The following MCF2L variants were observed in gnomAD, a reference collection of about 807,000 sequenced individuals.
MCF2L encodes the protein MCF.2 cell line derived transforming sequence like.
In MCF2L, 97 loss-of-function variants were observed where a neutral mutation model predicts 153.4. That is an observed-to-expected ratio of 0.63 (90% CI 0.54 to 0.75). The LOEUF (loss-of-function observed/expected upper bound fraction) is 0.75, where lower values mean the gene tolerates loss of function less well. MCF2L is among the 30% of genes least tolerant of loss of function. The pLI is 0.00. For missense variants in MCF2L, 1,347 were observed against 1,495.2 expected, an observed-to-expected ratio of 0.90 and a Z score of 1.64; for synonymous variants, 659 against 632.2, an observed-to-expected ratio of 1.04 and a Z score of -0.64.
At position 112,973,953 on chromosome 13, in the gene MCF2L, G is replaced by A. The variant is rs1435314641; in HGVS notation, c.79+4495G>A. Among the ~76,000 whole-genome samples, 5 of 152,124 alleles carry A rather than the reference G, an allele frequency of 3.3e-5. No individual in the cohort carries two copies. In the East Asian group the frequency reaches 9.6e-4, roughly 29 times the overall value. On this transcript the variant is annotated intron_variant, in intron 1 of 29. Coordinates refer to ENST00000535094, the MANE Select transcript of MCF2L (RefSeq NM_001112732.3). ...GCTGCACCTGTGCCTTGGGATGGTG[G>A]CCGCCTTCCAGCGTCTTCCTGATCT...
intron 2 of MCF2L, among the ~76,000 whole-genome samples, chr13:112,928,155 T>C (rs2081426758): frequency 6.6e-6 from 1 of 152,258 alleles, no homozygotes; most frequent in Non-Finnish European, 1.5e-5. Context: ...TTCTGTGCTG[T>C]CTGGGGTTTG....
At chr13:113,019,094 C>T (rs567021034) in intron 2 of MCF2L, among the ~76,000 whole-genome samples, 2 of 152,326 alleles carry the variant, frequency 1.3e-5, no homozygotes, top group South Asian at 2.1e-4. Context: ...CCCAAGCGCT[C>T]GCTGCACAAG....
chr13:113,073,991 G>A lies in MCF2L; in HGVS notation c.997-453G>A, dbSNP rs956209696. On this transcript the variant is annotated intron_variant, in intron 9 of 29. Transcript: ENST00000535094. ...TGTCTTCCTGCCAACAGCAGAAATCGTAGACATTAGAAGTTAGTAGCAAGC... is the reference window on the plus strand; with the variant it reads ...TGTCTTCCTGCCAACAGCAGAAATCATAGACATTAGAAGTTAGTAGCAAGC... Among the ~76,000 whole-genome samples the A allele has an allele frequency of 1.1e-4, 17 of 152,242 alleles. No homozygotes were observed. In the South Asian group the frequency reaches 1.7e-3, roughly 15 times the overall value.
At chr13:112,957,469 G>C (rs1291729863) in intron 2 of MCF2L, 1 of 151,242 alleles carries the variant, frequency 6.6e-6, no homozygotes, top group Non-Finnish European at 1.5e-5. Flanking sequence ...GCAGATGAGA[G>C]GCCGAGGCCC....
chr13:113,094,541 A>C lies in MCF2L; in HGVS notation c.2981A>C (p.Glu994Ala). 6.2e-7 allele frequency: 1 copy of C among 1,612,296 alleles called. No homozygotes were observed. Among genetic ancestry groups the C allele is most frequent in the South Asian group, 1.1e-5 (1 of 91,002 alleles). Reference protein sequence around the residue: ...KGWSKTSHSLEAPEDDGGWSS... With the variant: ...KGWSKTSHSLAAPEDDGGWSS... ...TGGAGCAAAACGTCCCACTCACTGG[A>C]GGCACCTGAGGACGACGGGGGCTGG... is the stretch of plus-strand genomic sequence containing the variant. Residue 994 changes from glutamate to alanine, a missense_variant, in exon 27 of 30, where the codon GAG becomes GCG. Around this residue, in one of 3 missense-constraint regions of MCF2L, gnomAD observed 383 missense variants for 335.4 expected, o/e 1.14. Transcript: ENST00000535094.
At chr13:112,995,830 C>G (rs190223543) in intron 1 of MCF2L, among the ~76,000 whole-genome samples, 18 of 152,186 alleles carry the variant, frequency 1.2e-4, no homozygotes, top group Non-Finnish European at 2.4e-4. Flanking sequence ...GGTGAGTGAG[C>G]AGGCGTGGCC....
chr13:112,988,446 G>A lies in MCF2L; in HGVS notation c.79+18988G>A, dbSNP rs187908752. ...GCCTGTGGGTGCACGGGTGTGGTGCGTTTTAATTCTCGGCAGCTCTGTGCG... is the reference window on the plus strand; with the variant it reads ...GCCTGTGGGTGCACGGGTGTGGTGCATTTTAATTCTCGGCAGCTCTGTGCG... On this transcript the variant is annotated intron_variant, in intron 1 of 29. Transcript: ENST00000535094. Among the ~76,000 whole-genome samples, 24 of 152,318 alleles carry A rather than the reference G, an allele frequency of 1.6e-4. No individual in the cohort carries two copies. The East Asian group carries it at 2.9e-3, about 18-fold the overall frequency.
intron 3 of MCF2L, chr13:113,044,796 G>A: frequency 6.2e-7 from 1 of 1,612,902 alleles, no homozygotes; most frequent in Non-Finnish European, 8.5e-7. Flanking sequence ...CAGAAGTCTT[G>A]GGGATTTTCT....
chr13:113,091,086 TCC>T (rs1448443184), intron 26 of MCF2L: 13 of 1,304,138 alleles, frequency 1.0e-5, no homozygotes, highest in East Asian at 5.6e-5. Flanking sequence ...ACACTCTCTC[TCC>T]GGTTGTATTT....
At chr13:113,059,431 T>A (rs2030989569) in intron 4 of MCF2L, among the ~76,000 whole-genome samples, 1 of 152,246 alleles carries the variant, frequency 6.6e-6, no homozygotes, top group South Asian at 2.1e-4. Context: ...TATATTCCTT[T>A]CGGGCTTTAG....
At chr13:113,092,434 C>T (rs137935831) in intron 26 of MCF2L, among the ~76,000 whole-genome samples, 144 of 144,900 alleles carry the variant, frequency 9.9e-4, no homozygotes, top group Non-Finnish European at 1.6e-3. Context: ...GTGTCGAAGC[C>T]GGGCCACTGC....
chr13:113,039,800 C>T (rs925505955), intron 3 of MCF2L, among the ~76,000 whole-genome samples: 2 of 152,184 alleles, frequency 1.3e-5, no homozygotes, highest in African/African-American at 4.8e-5. Flanking sequence ...GTATCCAGTG[C>T]TGACAAAACC....
At chr13:113,062,936 C>T (rs989604124) in intron 5 of MCF2L, among the ~76,000 whole-genome samples, 1 of 152,222 alleles carries the variant, frequency 6.6e-6, no homozygotes, top group Non-Finnish European at 1.5e-5. Flanking sequence ...CGTCCGGCCT[C>T]AGTGGTGGTG....
At position 113,054,324 on chromosome 13, in the gene MCF2L, A is replaced by G. The variant is rs1310798863; in HGVS notation, c.370-6269A>G. Reference sequence around the variant, plus strand: ...CAGGCTTTCTAGAGGACCATTTGCTAGAGGACCAGTCCCCAAACGGCCGCG... The same window carrying G: ...CAGGCTTTCTAGAGGACCATTTGCTGGAGGACCAGTCCCCAAACGGCCGCG... On this transcript the variant is annotated intron_variant, in intron 4 of 29. Coordinates refer to ENST00000535094, the MANE Select transcript of MCF2L (RefSeq NM_001112732.3). The surrounding 1 kb of genome is among the most constrained non-coding windows in gnomAD (Gnocchi z 5.2). 6.0e-6 allele frequency: 1 copy of G among 167,742 alleles called. No homozygotes were observed. Among genetic ancestry groups the G allele is most frequent in the Non-Finnish European group, 1.5e-5 (1 of 68,280 alleles). 10.4% of individuals were successfully genotyped at this position (167,742 alleles called of 1,614,324 possible).
At position 113,097,360 on chromosome 13, in the gene MCF2L, T is replaced by G. The variant is rs372059778; in HGVS notation, c.*501T>G. 6.5e-6 allele frequency: 1 copy of G among 154,648 alleles called. No homozygotes were observed. The highest frequency in any genetic ancestry group is 1.9e-4 in the East Asian group (1 of 5,250). 9.6% of individuals were successfully genotyped at this position (154,648 alleles called of 1,614,324 possible). On this transcript the variant is annotated 3_prime_UTR_variant, in exon 30 of 30. Coordinates refer to ENST00000535094, the MANE Select transcript of MCF2L (RefSeq NM_001112732.3). ...AATTCTTCACCAGGAATCACTGTGT[T>G]TACATGAAATGACAATTTGATACTG... is the stretch of plus-strand genomic sequence containing the variant.
rs1260616523 is a variant in MCF2L at position 113,035,008 on chromosome 13, G to A, written c.278+10250G>A. 1.3e-5 allele frequency among the ~76,000 whole-genome samples: 2 copies of A among 152,230 alleles called. No individual in the cohort carries two copies. Among genetic ancestry groups the A allele is most frequent in the African/African-American group, 4.8e-5 (2 of 41,454 alleles). On this transcript the variant is annotated intron_variant, in intron 3 of 29. Transcript: ENST00000535094. This position sits in a 1 kb window ranked among gnomAD's most constrained non-coding sequence, Gnocchi z 4.4. ...AGGGACCTATGGCGCCCACACCGGAGGGCGGGAAAAGGAGGAAGAGCATGG... is the reference window on the plus strand; with the variant it reads ...AGGGACCTATGGCGCCCACACCGGAAGGCGGGAAAAGGAGGAAGAGCATGG...
At chr13:112,980,241 C>T (rs1483153268) in intron 1 of MCF2L, among the ~76,000 whole-genome samples, 1 of 152,238 alleles carries the variant, frequency 6.6e-6, no homozygotes, top group Non-Finnish European at 1.5e-5. Context: ...GATGGAACAG[C>T]CTAAACTCTC....
At chr13:113,089,813 G>T (rs1012965566) in intron 26 of MCF2L, 85 bp downstream of exon 26, 193 of 1,606,174 alleles carry the variant, frequency 1.2e-4, no homozygotes, top group Non-Finnish European at 1.6e-4. Context: ...AGAAACCTGC[G>T]CTTCCTGCAG....
chr13:112,947,741 T>C (rs2140697058), intron 2 of MCF2L, among the ~76,000 whole-genome samples: 1 of 152,278 alleles, frequency 6.6e-6, no homozygotes, highest in South Asian at 2.1e-4. Context: ...TCAGCAGTTC[T>C]CCCAGGCTGG....
Sources: gnomAD v4.1 joint callset for allele counts (sites outside exome capture counted in the v4.1 genomes callset) on GRCh38, gnomAD v4.1.1 for gene constraint, gnomAD v4.1.1 regional missense constraint, Gnocchi (gnomAD v3.1) non-coding constraint, MANE v1.5 for transcripts, NCBI Gene and HGNC (gene_info 2026-07-23, HGNC 2026-07-21) for gene names.